Variants in PELI2 observed in about 807,000 individuals in gnomAD.
PELI2 encodes E3 ubiquitin-protein ligase pellino homolog 2.
In PELI2, 23 loss-of-function variants were observed where a neutral mutation model predicts 42.3. The observed-to-expected ratio is 0.54, with a 90% confidence interval of 0.39 to 0.77. PELI2 has a LOEUF of 0.77. Among genes scored for constraint, PELI2 ranks in the 30% least tolerant of loss-of-function variants. The probability of loss-of-function intolerance (pLI) is 0.00; values close to 1 mark genes in which losing one functional copy is unlikely to be tolerated. For missense variants in PELI2, 463 were observed against 553.2 expected (o/e 0.84, Z 1.64); for synonymous variants, 245 against 212.2 (o/e 1.15, Z -1.34).
intron 2 of PELI2, among the ~76,000 whole-genome samples, chr14:56,239,932 TAATC>T (rs1022000849): frequency 5.3e-5 from 8 of 152,116 alleles, no homozygotes; most frequent in African/African-American, 1.9e-4. Context: ...ATAAAAGAAA[TAATC>T]TATCAGTAGC....
chr14:56,267,178 G>A (rs1888937189), intron 2 of PELI2, among the ~76,000 whole-genome samples: 1 of 152,012 alleles, frequency 6.6e-6, no homozygotes, highest in African/African-American at 2.4e-5. Flanking sequence ...AATCAGTCAA[G>A]AACCCGAGGG....
intron 2 of PELI2, among the ~76,000 whole-genome samples, chr14:56,209,896 C>A (rs1886653635): frequency 6.6e-6 from 1 of 152,170 alleles, no homozygotes; most frequent in Admixed American, 6.5e-5. Flanking sequence ...GGGTCAGGAA[C>A]TACCGGAAAT....
chr14:56,290,436 G>T lies in PELI2; in HGVS notation c.676G>T (p.Ala226Ser), dbSNP rs753094413. The change falls in exon 5 of 6, where the codon GCC becomes TCC. Residue 226 changes from alanine (A) to serine (S), a missense_variant. Ala to Ser is a moderately conservative substitution (Grantham distance 99, BLOSUM62 1). Around this residue, in one of 3 missense-constraint regions of PELI2, gnomAD observed 343 missense variants for 378.4 expected, o/e 0.91. Transcript: ENST00000267460. ...DVYTLRETRS[A>S]QQRGKLVESE... ...GTACACCTTGCGAGAAACCAGGTCG[G>T]CCCAGCAACGAGGAAAGCTGGTGAG... 65 of 1,602,568 alleles carry T rather than the reference G, an allele frequency of 4.1e-5. No individual in the cohort carries two copies. Among genetic ancestry groups the T allele is most frequent in the Non-Finnish European group, 5.3e-5 (62 of 1,172,486 alleles).
At chr14:56,255,583 T>C (rs1888500595) in intron 2 of PELI2, among the ~76,000 whole-genome samples, 1 of 152,186 alleles carries the variant, frequency 6.6e-6, no homozygotes, top group South Asian at 2.1e-4. Context: ...TGTATGCCTA[T>C]GTAACAAACC....
intron 2 of PELI2, among the ~76,000 whole-genome samples, chr14:56,226,891 A>C (rs1166782470): frequency 6.6e-6 from 1 of 152,208 alleles, no homozygotes; most frequent in Non-Finnish European, 1.5e-5. Context: ...TTTGCAGAAC[A>C]TGTACCTTAG....
rs1885338721 is a variant in PELI2, at chr14:56,175,472, T to C, written c.78-2863T>C. ...AAGGCAGGGAAGCTGATATACACCA[T>C]TGTAGCTCTAGTACTTGGCATTATG... On this transcript the variant is annotated intron_variant, in intron 1 of 5. Coordinates refer to ENST00000267460, the MANE Select transcript of PELI2 (RefSeq NM_021255.3). Among the ~76,000 whole-genome samples the C allele has an allele frequency of 2.0e-5, 3 of 152,250 alleles. No individual in the cohort carries two copies. In the East Asian group the frequency reaches 5.8e-4, roughly 29 times the overall value.
At chr14:56,191,907 T>A (rs886844882) in intron 2 of PELI2, among the ~76,000 whole-genome samples, 26 of 152,086 alleles carry the variant, frequency 1.7e-4, no homozygotes. Flanking sequence ...CACCCAGGAG[T>A]GCAGTGGTGT....
At chr14:56,195,752 C>T (rs1175207367) in intron 2 of PELI2, among the ~76,000 whole-genome samples, 1 of 152,176 alleles carries the variant, frequency 6.6e-6, no homozygotes, top group Non-Finnish European at 1.5e-5. Context: ...AGTTTGGGAG[C>T]GGTTCTACAG....
intron 2 of PELI2, among the ~76,000 whole-genome samples, chr14:56,257,934 AG>A (rs1888578528): frequency 6.6e-6 from 1 of 152,212 alleles, no homozygotes; most frequent in South Asian, 2.1e-4. Context: ...AGAGCTACAG[AG>A]GATACTCTCT....
chr14:56,167,190 G>A (rs1226778613), intron 1 of PELI2, among the ~76,000 whole-genome samples: 1 of 152,130 alleles, frequency 6.6e-6, no homozygotes, highest in Non-Finnish European at 1.5e-5. Context: ...TAATCTTCTT[G>A]TAGTTGGATA....
At chr14:56,161,424 G>A (rs545242266) in intron 1 of PELI2, among the ~76,000 whole-genome samples, 8 of 151,824 alleles carry the variant, frequency 5.3e-5, no homozygotes, top group African/African-American at 1.5e-4. Flanking sequence ...ACAGGTACGC[G>A]CCACCACACC....
chr14:56,288,739 G>A lies in PELI2; in HGVS notation c.507+105G>A, dbSNP rs1031466515. 17 of 797,160 alleles carry A rather than the reference G, an allele frequency of 2.1e-5. No homozygotes were observed. The highest frequency in any genetic ancestry group is 3.0e-5 in the Non-Finnish European group (15 of 492,916). The allele number at this position is 797,160 out of a possible 1,614,324, so 49.4% of individuals were successfully genotyped here. A position where few individuals can be genotyped will look rare whatever the true frequency, so the allele number is the denominator to read the frequency against. On this transcript the variant is annotated intron_variant, in intron 4 of 5. Coordinates refer to ENST00000267460, the MANE Select transcript of PELI2 (RefSeq NM_021255.3). This position sits in a 1 kb window ranked among gnomAD's most constrained non-coding sequence, Gnocchi z 4.6. The stretch of plus-strand genomic sequence containing the variant: ...AAATTGGCTTTGTATGTTGCCTCTA[G>A]TGAGATTTTGAGATTTTAGTTTTCA...
At chr14:56,136,175 A>G (rs973654150) in intron 1 of PELI2, among the ~76,000 whole-genome samples, 1 of 152,194 alleles carries the variant, frequency 6.6e-6, no homozygotes, top group Admixed American at 6.5e-5. Context: ...GATTGTAGGG[A>G]AGGCATTTCT....
intron 2 of PELI2, among the ~76,000 whole-genome samples, chr14:56,216,448 C>G (rs1277172918): frequency 6.6e-6 from 1 of 152,240 alleles, no homozygotes; most frequent in Non-Finnish European, 1.5e-5. Flanking sequence ...TTGAGCAGCA[C>G]TGTTATTTTG....
At chr14:56,260,746 C>T (rs138908009) in intron 2 of PELI2, among the ~76,000 whole-genome samples, 221 of 152,356 alleles carry the variant, frequency 1.5e-3, no homozygotes, top group African/African-American at 5.1e-3. Flanking sequence ...AGCGAACACA[C>T]TCTTTTTCTG....
At chr14:56,157,214 G>T (rs1315741850) in intron 1 of PELI2, among the ~76,000 whole-genome samples, 1 of 152,180 alleles carries the variant, frequency 6.6e-6, no homozygotes, top group Non-Finnish European at 1.5e-5. Flanking sequence ...ATTTACTACA[G>T]AGAGGCTCAG....
At chr14:56,140,085 T>A (rs375282318) in intron 1 of PELI2, among the ~76,000 whole-genome samples, 17 of 152,140 alleles carry the variant, frequency 1.1e-4, no homozygotes, top group African/African-American at 4.1e-4. Context: ...AATGGAAGTA[T>A]AGCTCTGTTG....
At chr14:56,161,492 C>T (rs1453142930) in intron 1 of PELI2, among the ~76,000 whole-genome samples, 1 of 152,166 alleles carries the variant, frequency 6.6e-6, no homozygotes. Context: ...TCAGGATGGT[C>T]TCGATCTCTT....
chr14:56,199,711 C>T (rs1199937160), intron 2 of PELI2, among the ~76,000 whole-genome samples: 1 of 152,154 alleles, frequency 6.6e-6, no homozygotes, highest in Non-Finnish European at 1.5e-5. Context: ...GGATAAGATA[C>T]AAGTTGTTTT....
Sources: gnomAD v4.1 joint callset for allele counts (sites outside exome capture counted in the v4.1 genomes callset) on GRCh38, gnomAD v4.1.1 for gene constraint, gnomAD v4.1.1 regional missense constraint, Gnocchi (gnomAD v3.1) non-coding constraint, MANE v1.5 for transcripts, NCBI Gene and HGNC (gene_info 2026-07-23, HGNC 2026-07-21) for gene names.